ZBTB10: variants seen among roughly 807,000 people sequenced by gnomAD.
ZBTB10 encodes zinc finger and BTB domain-containing protein 10.
A neutral mutation model predicts 76.4 loss-of-function variants in ZBTB10; 32 were observed. The ratio of observed to expected loss-of-function variants is 0.42; its 90% CI spans 0.32 to 0.56. ZBTB10 has a LOEUF of 0.56. Ranked by LOEUF, ZBTB10 falls within the 20% of genes least tolerant of loss-of-function variation. The pLI is 0.14. For synonymous variants in ZBTB10, 523 were observed against 432.9 expected (o/e 1.21, Z -2.58); for missense variants, 1,057 against 1,098.5 (o/e 0.96, Z 0.53).
In ZBTB10 at chr8:80,487,100, C is replaced by G. The variant is rs1265015358; in HGVS notation, c.290C>G (p.Pro97Arg). 5.9e-6 allele frequency: 9 copies of G among 1,519,546 alleles called. No homozygotes were observed. Among genetic ancestry groups the G allele is most frequent in the South Asian group, 3.7e-5 (3 of 81,980 alleles). 94.1% of individuals were successfully genotyped at this position (1,519,546 alleles called of 1,614,324 possible). ...AAEEAKELLL[P>R]QDAGGPTSLG... Reference sequence around the variant, plus strand: ...GAGGAAGCCAAGGAGTTGCTGCTCCCCCAAGACGCGGGCGGCCCCACCTCG... The same window carrying G: ...GAGGAAGCCAAGGAGTTGCTGCTCCGCCAAGACGCGGGCGGCCCCACCTCG... The change falls in exon 1 of 6, where the codon CCC (proline) becomes CGC (arginine). Residue 97 changes from proline (P) to arginine (R), a missense_variant. Physicochemically the swap from Pro to Arg is moderately radical, Grantham distance 103. Coordinates refer to ENST00000455036, the MANE Select transcript of ZBTB10 (RefSeq NM_001105539.3).
Position 80,519,246 on chromosome 8 carries a change from C to T in ZBTB10, c.2334C>T (p.Tyr778=), listed in dbSNP as rs545939446. 1.2e-6 allele frequency: 2 copies of T among 1,612,868 alleles called. No homozygotes were observed. Among genetic ancestry groups the T allele is most frequent in the Admixed American group, 1.7e-5 (1 of 59,904 alleles). ...HSLVHKKDKK[Y]KCMVCKKIFM... ...AGGTGCATAAAAAGGATAAAAAATA[C>T]AAATGTATGGTGTGTAAGAAGATCT... The change falls in exon 6 of 6, where the codon TAC becomes TAT. Residue 778 remains tyrosine, a synonymous_variant. Coordinates refer to ENST00000455036, the MANE Select transcript of ZBTB10 (RefSeq NM_001105539.3).
chr8:80,489,518 C>T (rs964043347), intron 1 of ZBTB10, among the ~76,000 whole-genome samples: 2 of 152,156 alleles, frequency 1.3e-5, no homozygotes, highest in South Asian at 4.1e-4. Context: ...CATAGTCTCT[C>T]CCTGTAGGCA....
At chr8:80,518,253 A>G (rs1268625706) in intron 3 of ZBTB10, 150 bp from the exon 4 acceptor site, 12 of 734,816 alleles carry the variant, frequency 1.6e-5, no homozygotes, top group Non-Finnish European at 2.1e-5. Flanking sequence ...AAGACATCTC[A>G]ATTTTAGACT....
intron 2 of ZBTB10, among the ~76,000 whole-genome samples, chr8:80,506,316 T>C (rs1816051468): frequency 6.6e-6 from 1 of 152,138 alleles, no homozygotes; most frequent in Non-Finnish European, 1.5e-5. Context: ...TTTTCTTTTT[T>C]TCTTTTTTCT....
At chr8:80,496,269 C>G (rs1375693399) in intron 1 of ZBTB10, among the ~76,000 whole-genome samples, 1 of 151,742 alleles carries the variant, frequency 6.6e-6, no homozygotes, top group Admixed American at 6.6e-5. Context: ...GCTTATTTAG[C>G]TCTTTAACCC....
At chr8:80,488,162 C>T (rs550474997) in intron 1 of ZBTB10, among the ~76,000 whole-genome samples, 1 of 152,310 alleles carries the variant, frequency 6.6e-6, no homozygotes, top group Non-Finnish European at 1.5e-5. Flanking sequence ...GGTCTATGCT[C>T]ACAGACGTTT....
intron 3 of ZBTB10, among the ~76,000 whole-genome samples, chr8:80,514,790 G>A (rs1816286114): frequency 6.6e-6 from 1 of 152,208 alleles, no homozygotes; most frequent in South Asian, 2.1e-4. Flanking sequence ...ATTAAAAAGA[G>A]CACAAACCAA....
intron 2 of ZBTB10, among the ~76,000 whole-genome samples, chr8:80,504,257 A>G (rs1815995777): frequency 6.6e-6 from 1 of 152,228 alleles, no homozygotes; most frequent in African/African-American, 2.4e-5. Flanking sequence ...ATAAATTTGA[A>G]GTTCTATAGC....
Position 80,486,832 on chromosome 8 carries a change from C to T in ZBTB10, c.22C>T (p.Arg8Cys). 1.3e-6 allele frequency: 2 copies of T among 1,498,712 alleles called. No homozygotes were observed. Among genetic ancestry groups the T allele is most frequent in the Non-Finnish European group, 1.8e-6 (2 of 1,126,684 alleles). 92.8% of individuals were successfully genotyped at this position (1,498,712 alleles called of 1,614,324 possible). ...CGCCATGTCGTTCAGTGAAATGAACCGCAGGACGCTGGCGTTCCGAGGAGG... is the reference window on the plus strand; with the variant it reads ...CGCCATGTCGTTCAGTGAAATGAACTGCAGGACGCTGGCGTTCCGAGGAGG... Reference protein sequence around the residue: MSFSEMNRRTLAFRGGGL... With the variant: MSFSEMNCRTLAFRGGGL... The change falls in exon 1 of 6, where the codon CGC (arginine) becomes TGC (cysteine). Residue 8 changes from arginine to cysteine, a missense_variant. Coordinates refer to ENST00000455036, the MANE Select transcript of ZBTB10 (RefSeq NM_001105539.3).
chr8:80,498,540 G>A (rs1815844050), intron 1 of ZBTB10, among the ~76,000 whole-genome samples: 2 of 152,324 alleles, frequency 1.3e-5, no homozygotes, highest in South Asian at 4.1e-4. Context: ...GGGATATTCA[G>A]CTCTGCCTTG....
chr8:80,486,371 TCGGCG>T lies in ZBTB10; in HGVS notation c.-437_-433del, dbSNP rs1047816395. 4.5e-4 allele frequency: 449 copies of T among 989,760 alleles called. 1 individual carries two copies. The highest frequency in any genetic ancestry group is 5.1e-4 in the Non-Finnish European group (429 of 833,700). 61.3% of individuals were successfully genotyped at this position (989,760 alleles called of 1,614,324 possible). A position where few individuals can be genotyped will look rare whatever the true frequency, so the allele number is the denominator to read the frequency against. ...AAGCCGGCGGCGGCGTCGGGACTCCTCGGCGCGCGGAGGAAGGATATCTGTGTGGA... is the reference window on the plus strand; with the variant it reads ...AAGCCGGCGGCGGCGTCGGGACTCCTCGCGGAGGAAGGATATCTGTGTGGA... On this transcript the variant is annotated 5_prime_UTR_variant, in exon 1 of 6. Coordinates refer to ENST00000455036, the MANE Select transcript of ZBTB10 (RefSeq NM_001105539.3).
chr8:80,487,061 C>T lies in ZBTB10; in HGVS notation c.251C>T (p.Ala84Val). 6.6e-7 allele frequency: 1 copy of T among 1,514,874 alleles called. No individual in the cohort carries two copies. The highest frequency in any genetic ancestry group is 8.8e-7 in the Non-Finnish European group (1 of 1,138,612). 93.8% of individuals were successfully genotyped at this position (1,514,874 alleles called of 1,614,324 possible). A position where few individuals can be genotyped will look rare whatever the true frequency, so the allele number is the denominator to read the frequency against. The part of the protein sequence containing the change: ...PQDLEASAGP[A>V]AGAAEEAKEL... ...GACCTGGAGGCCTCCGCCGGGCCGG[C>T]CGCCGGCGCCGCCGAGGAAGCCAAG... The change falls in exon 1 of 6, where the codon GCC becomes GTC. Residue 84 changes from alanine to valine, a missense_variant. Ala to Val is a moderately conservative substitution (Grantham distance 64, BLOSUM62 0). Coordinates refer to ENST00000455036, the MANE Select transcript of ZBTB10 (RefSeq NM_001105539.3).
In ZBTB10 at chr8:80,486,945, ACAGCCCCCG is replaced by A; in HGVS notation, c.137_145del (p.Gln46_Pro48del). 6.6e-7 allele frequency: 1 copy of A among 1,513,110 alleles called. No homozygotes were observed. The highest frequency in any genetic ancestry group is 1.2e-5 in the South Asian group (1 of 81,548). 93.7% of individuals were successfully genotyped at this position (1,513,110 alleles called of 1,614,324 possible). A position where few individuals can be genotyped will look rare whatever the true frequency, so the allele number is the denominator to read the frequency against. The stretch of plus-strand genomic sequence containing the variant: ...CTTGGCCTCCGCAGCCCCAGCCGAG[ACAGCCCCCG>A]CCGCCAGCGCCGCCCGCGCTTCAGC... On this transcript the variant is annotated inframe_deletion, in exon 1 of 6. Coordinates refer to ENST00000455036, the MANE Select transcript of ZBTB10 (RefSeq NM_001105539.3).
intron 2 of ZBTB10, among the ~76,000 whole-genome samples, chr8:80,504,134 A>T (rs1210152279): frequency 6.6e-6 from 1 of 152,178 alleles, no homozygotes; most frequent in African/African-American, 2.4e-5. Context: ...TATCTTTTTT[A>T]AAAAATTAGT....
At chr8:80,500,507 AG>A (rs972773120) in intron 2 of ZBTB10, 125 bp downstream of exon 2, 1 of 991,236 alleles carries the variant, frequency 1.0e-6, no homozygotes, top group East Asian at 2.7e-5. Flanking sequence ...TTACAAAAGA[AG>A]GGGGAACGTC....
chr8:80,492,771 C>T (rs1366694176), intron 1 of ZBTB10, among the ~76,000 whole-genome samples: 2 of 152,046 alleles, frequency 1.3e-5, no homozygotes, highest in Non-Finnish European at 2.9e-5. Flanking sequence ...GTCACGCACC[C>T]GGCCTGAAGA....
At chr8:80,493,984 T>A (rs963853891) in intron 1 of ZBTB10, among the ~76,000 whole-genome samples, 93 of 152,342 alleles carry the variant, frequency 6.1e-4, no homozygotes, top group African/African-American at 2.2e-3. Context: ...GACCTTCTTG[T>A]CTTTTTCTCT....
At chr8:80,515,974 C>T (rs942956558) in intron 3 of ZBTB10, among the ~76,000 whole-genome samples, 1 of 152,140 alleles carries the variant, frequency 6.6e-6, no homozygotes, top group African/African-American at 2.4e-5. Flanking sequence ...AAATTTGGGG[C>T]AAGGTTTACT....
At chr8:80,506,269 T>G (rs1816050029) in intron 2 of ZBTB10, among the ~76,000 whole-genome samples, 1 of 152,092 alleles carries the variant, frequency 6.6e-6, no homozygotes, top group Non-Finnish European at 1.5e-5. Context: ...CTATTTATAT[T>G]TTTTTACTTC....
Sources: allele counts gnomAD v4.1 joint callset (sites outside exome capture counted in the v4.1 genomes callset), GRCh38; gene constraint gnomAD v4.1.1; transcripts MANE v1.5; gene names NCBI Gene and HGNC (gene_info 2026-07-23, HGNC 2026-07-21).